Variants in TNRC6A observed in about 807,000 individuals in gnomAD.
TNRC6A encodes trinucleotide repeat-containing gene 6A protein.
Under a neutral mutation model 221.2 loss-of-function variants are expected in TNRC6A, and 44 were observed. The observed-to-expected ratio is 0.20, with a 90% CI of 0.16 to 0.26. The LOEUF (loss-of-function observed/expected upper bound fraction) is 0.26. Ranked by LOEUF, TNRC6A falls within the 10% of genes least tolerant of loss-of-function variation. The probability of loss-of-function intolerance (pLI) is 1.00; values close to 1 mark genes in which losing one functional copy is unlikely to be tolerated. For missense variants in TNRC6A, 2,199 were observed against 2,404.4 expected, an observed-to-expected ratio of 0.91 and a Z score of 1.79; for synonymous variants, 847 against 838.5, an observed-to-expected ratio of 1.01 and a Z score of -0.18.
chr16:24,777,423 A>T (rs2057749790), intron 5 of TNRC6A, 65 bp downstream of exon 5: 2 of 1,504,094 alleles, frequency 1.3e-6, no homozygotes, highest in African/African-American at 2.8e-5. Flanking sequence ...CAAGTTGATA[A>T]ATTCGTAGCT....
chr16:24,819,697 C>G (rs573991772), intron 21 of TNRC6A: 6 of 211,168 alleles, frequency 2.8e-5, no homozygotes, highest in African/African-American at 1.4e-4. Context: ...GCAGGCACCC[C>G]GTGAAGATCT....
intron 1 of TNRC6A, among the ~76,000 whole-genome samples, chr16:24,634,571 T>C (rs1901527532): frequency 6.6e-6 from 1 of 152,252 alleles, no homozygotes; most frequent in South Asian, 2.1e-4. Context: ...ACAAGAGTAT[T>C]AATATACCAC....
chr16:24,667,690 G>C (rs1000955337), intron 2 of TNRC6A, among the ~76,000 whole-genome samples: 2 of 152,180 alleles, frequency 1.3e-5, no homozygotes. Flanking sequence ...CTAGCGCATA[G>C]TTAGTGCACT....
chr16:24,683,674 C>A (rs926757076), intron 2 of TNRC6A, among the ~76,000 whole-genome samples: 1 of 152,182 alleles, frequency 6.6e-6, no homozygotes, highest in Admixed American at 6.5e-5. Context: ...CCTGTTTCTG[C>A]CACCGACTAG....
chr16:24,790,060 A>C lies in TNRC6A; in HGVS notation c.1418A>C (p.Asn473Thr). The stretch of plus-strand genomic sequence containing the variant: ...CCAAACTCCGGTTCAGTGCAGAATA[A>C]TGAGCTGCCTAGTAGTAACACAGGG... ...SLPNSGSVQN[N>T]ELPSSNTGAW... is the part of the protein sequence containing the mutation. Residue 473 changes from asparagine (N) to threonine (T), a missense_variant, in exon 6 of 25, where the codon AAT becomes ACT. Around this residue, in one of 8 missense-constraint regions of TNRC6A, gnomAD observed 1,405 missense variants for 1,400.2 expected, o/e 1.00. Coordinates refer to ENST00000395799, the MANE Select transcript of TNRC6A (RefSeq NM_014494.4). 6.2e-7 allele frequency: 1 copy of C among 1,614,262 alleles called. No individual in the cohort carries two copies. The highest frequency in any genetic ancestry group is 8.5e-7 in the Non-Finnish European group (1 of 1,180,042).
chr16:24,617,535 T>C (rs1391137613), intron 1 of TNRC6A, among the ~76,000 whole-genome samples: 1 of 152,242 alleles, frequency 6.6e-6, no homozygotes, highest in Non-Finnish European at 1.5e-5. Context: ...TATGCTTCTT[T>C]TATTAATTGT....
chr16:24,683,279 C>T (rs2055567976), intron 2 of TNRC6A, among the ~76,000 whole-genome samples: 1 of 152,210 alleles, frequency 6.6e-6, no homozygotes, highest in Admixed American at 6.5e-5. Context: ...TTACTTCAGC[C>T]TCAACCTCCT....
At chr16:24,671,747 C>T (rs988029750) in intron 2 of TNRC6A, among the ~76,000 whole-genome samples, 5 of 152,138 alleles carry the variant, frequency 3.3e-5, no homozygotes, top group African/African-American at 9.7e-5. Flanking sequence ...CAGTGGCTCA[C>T]GCCTGTAATC....
At chr16:24,818,764 A>G in intron 21 of TNRC6A, 64 bp downstream of exon 21, 1 of 1,237,556 alleles carries the variant, frequency 8.1e-7, no homozygotes, top group South Asian at 1.2e-5. Context: ...CTGTTGTTTT[A>G]ATGCCCTCTT....
intron 11 of TNRC6A, among the ~76,000 whole-genome samples, chr16:24,802,152 G>A (rs2058343908): frequency 6.6e-6 from 1 of 152,170 alleles, no homozygotes; most frequent in Admixed American, 6.5e-5. Flanking sequence ...TATGGTGGTG[G>A]CAGACATCTC....
intron 2 of TNRC6A, among the ~76,000 whole-genome samples, chr16:24,706,871 T>C (rs1254639930): frequency 3.9e-5 from 6 of 152,006 alleles, no homozygotes; most frequent in Admixed American, 3.9e-4. Flanking sequence ...GCTGTTAGAG[T>C]AATTGGCTAG....
intron 4 of TNRC6A, among the ~76,000 whole-genome samples, chr16:24,762,011 A>G (rs1363235249): frequency 2.0e-5 from 3 of 152,106 alleles, no homozygotes; most frequent in African/African-American, 4.8e-5. Context: ...TGATTTCATG[A>G]GCAAGGTATC....
At chr16:24,738,905 G>A (rs184224524) in intron 2 of TNRC6A, among the ~76,000 whole-genome samples, 3 of 152,124 alleles carry the variant, frequency 2.0e-5, no homozygotes, top group African/African-American at 2.4e-5. Context: ...CCAGGCTGAC[G>A]TTCAGTGGTG....
chr16:24,709,061 A>C (rs7189120), intron 2 of TNRC6A, among the ~76,000 whole-genome samples: 27,055 of 151,894 alleles, frequency 0.18, 3,578 homozygotes, highest in East Asian at 0.37. Context: ...GTTCGAGACC[A>C]GCCTGATCAA....
chr16:24,677,616 G>A lies in TNRC6A; in HGVS notation n.402+36607G>A, dbSNP rs552317086. Among the ~76,000 whole-genome samples the A allele has an allele frequency of 9.2e-5, 14 of 152,312 alleles. No homozygotes were observed. In the South Asian group the frequency reaches 1.0e-3, roughly 11 times the overall value. On this transcript the variant is annotated intron_variant and non_coding_transcript_variant, in intron 2 of 2. Transcript: ENST00000566108. ...TGTGAGTCTCCCTGTGAAACAGTGC[G>A]TGAATTACATAGCAACTGTCTTGTT... is the stretch of plus-strand genomic sequence containing the variant.
intron 2 of TNRC6A, among the ~76,000 whole-genome samples, chr16:24,719,285 C>T (rs555024573): frequency 8.5e-4 from 129 of 151,966 alleles, no homozygotes; most frequent in African/African-American, 2.9e-3. Flanking sequence ...CTTTGGGAGG[C>T]CAGGGTGAGA....
intron 17 of TNRC6A, among the ~76,000 whole-genome samples, chr16:24,808,190 G>A (rs1249914107): frequency 6.6e-6 from 1 of 152,186 alleles, no homozygotes; most frequent in Non-Finnish European, 1.5e-5. Flanking sequence ...TCAGTGAAGG[G>A]AGCTGGCTCT....
chr16:24,785,701 T>A (rs2057951847), intron 5 of TNRC6A, among the ~76,000 whole-genome samples: 1 of 152,250 alleles, frequency 6.6e-6, no homozygotes. Context: ...GGTGTTTCCC[T>A]CTTGAATTCT....
intron 2 of TNRC6A, among the ~76,000 whole-genome samples, chr16:24,715,538 TC>T (rs1385951513): frequency 7.2e-5 from 11 of 152,072 alleles, no homozygotes; most frequent in African/African-American, 2.7e-4. Context: ...TTCCAAGCTC[TC>T]TGTGAGTCCC....
Sources: allele counts gnomAD v4.1 joint callset (sites outside exome capture counted in the v4.1 genomes callset), GRCh38; gene constraint gnomAD v4.1.1; regional missense constraint gnomAD v4.1.1; transcripts MANE v1.5; gene names NCBI Gene and HGNC (gene_info 2026-07-23, HGNC 2026-07-21).